Variants in PPP2CA observed in about 807,000 individuals in gnomAD.
PPP2CA encodes the protein serine/threonine-protein phosphatase 2A catalytic subunit alpha isoform.
In PPP2CA, 5 loss-of-function variants were observed where a neutral mutation model predicts 38.8. The observed-to-expected ratio is 0.13, with a 90% CI of 0.07 to 0.27. The LOEUF is 0.27. PPP2CA is among the 10% of genes least tolerant of loss of function. The probability of loss-of-function intolerance (pLI) is 1.00; values close to 1 mark genes in which losing one functional copy is unlikely to be tolerated. For synonymous variants in PPP2CA, 152 were observed against 134.0 expected (o/e 1.13, Z -0.93); for missense variants, 88 against 389.7 (o/e 0.23, Z 6.52).
intron 1 of PPP2CA, among the ~76,000 whole-genome samples, chr5:134,213,313 G>A (rs1022407598): frequency 5.3e-5 from 8 of 151,928 alleles, no homozygotes; most frequent in African/African-American, 1.7e-4. Context: ...AATCTACTAC[G>A]CCTGTGCTCT....
At chr5:134,198,757 G>T (rs1761912962) in intron 6 of PPP2CA, among the ~76,000 whole-genome samples, 1 of 152,098 alleles carries the variant, frequency 6.6e-6, no homozygotes, top group Non-Finnish European at 1.5e-5. Flanking sequence ...GTAGAGAAGG[G>T]GTTTCACCAT....
intron 6 of PPP2CA, among the ~76,000 whole-genome samples, chr5:134,198,753 AAGGGGTT>A (rs1415850154): frequency 2.0e-5 from 3 of 152,138 alleles, no homozygotes; most frequent in African/African-American, 7.2e-5. Context: ...TTTAGTAGAG[AAGGGGTT>A]TCACCATGTT....
intron 1 of PPP2CA, among the ~76,000 whole-genome samples, chr5:134,224,882 C>T (rs1762531051): frequency 6.6e-6 from 1 of 152,220 alleles, no homozygotes; most frequent in African/African-American, 2.4e-5. Flanking sequence ...ACTACTACTA[C>T]TTGCAGCCAC....
At chr5:134,209,577 C>A (rs1044421341) in intron 1 of PPP2CA, among the ~76,000 whole-genome samples, 3 of 152,064 alleles carry the variant, frequency 2.0e-5, no homozygotes, top group African/African-American at 4.8e-5. Flanking sequence ...GTCAGGAGCT[C>A]CAGACCAGCC....
intron 1 of PPP2CA, among the ~76,000 whole-genome samples, chr5:134,220,898 C>A (rs1762426650): frequency 6.6e-6 from 1 of 152,188 alleles, no homozygotes; most frequent in South Asian, 2.1e-4. Flanking sequence ...AGCCTTACAG[C>A]CAATTTTCTG....
intron 1 of PPP2CA, among the ~76,000 whole-genome samples, chr5:134,224,733 G>A (rs927777636): frequency 2.6e-5 from 4 of 152,218 alleles, no homozygotes; most frequent in East Asian, 3.9e-4. Context: ...AACCCCCAGG[G>A]GAAAACAAAA....
chr5:134,218,234 T>G (rs956298091), intron 1 of PPP2CA, among the ~76,000 whole-genome samples: 1 of 152,136 alleles, frequency 6.6e-6, no homozygotes, highest in Non-Finnish European at 1.5e-5. Context: ...CCAGGTAATA[T>G]TCTAGTAACT....
In PPP2CA at chr5:134,196,522, T is replaced by A. The variant is rs2149381853; in HGVS notation, c.*1250A>T. ...AGTTTTCTATTTGGTTTCACTAGTA[T>A]CACTCAAAGAACTTGACACAGGCTA... On this transcript the variant is annotated 3_prime_UTR_variant, in exon 7 of 7. Transcript: ENST00000481195. The A allele has an allele frequency of 6.6e-6, 1 of 152,330 alleles. No homozygotes were observed. Among genetic ancestry groups the A allele is most frequent in the South Asian group, 2.1e-4 (1 of 4,830 alleles). 9.4% of individuals were successfully genotyped at this position (152,330 alleles called of 1,614,324 possible).
Position 134,202,028 on chromosome 5 carries a change from C to T in PPP2CA, c.313-7G>A. On this transcript the variant is annotated splice_region_variant and splice_polypyrimidine_tract_variant and intron_variant, in intron 2 of 6. Transcript: ENST00000481195. Reference sequence around the variant, plus strand: ...TGCGTTCACGGTAACGAACCTAAAACAATAAAATGCAAAACATAAACAACT... The same window carrying T: ...TGCGTTCACGGTAACGAACCTAAAATAATAAAATGCAAAACATAAACAACT... 2 of 1,565,664 alleles carry T rather than the reference C, an allele frequency of 1.3e-6. No individual in the cohort carries two copies. Among genetic ancestry groups the T allele is most frequent in the Admixed American group, 2.1e-5 (1 of 48,158 alleles).
chr5:134,213,855 C>T (rs539346379), intron 1 of PPP2CA, among the ~76,000 whole-genome samples: 166 of 152,326 alleles, frequency 1.1e-3, no homozygotes, highest in African/African-American at 3.3e-3. Flanking sequence ...AAAGCCCAGG[C>T]ACAGTGGCTC....
intron 6 of PPP2CA, among the ~76,000 whole-genome samples, chr5:134,198,507 T>A (rs1019326602): frequency 6.6e-6 from 1 of 151,814 alleles, no homozygotes; most frequent in Admixed American, 6.6e-5. Flanking sequence ...TCAATGTAGA[T>A]CCATTAAAAA....
Position 134,211,042 on chromosome 5 carries a change from C to T in PPP2CA, c.103-4911G>A, listed in dbSNP as rs79667534. On this transcript the variant is annotated intron_variant, in intron 1 of 6. Coordinates refer to ENST00000481195, the MANE Select transcript of PPP2CA (RefSeq NM_002715.4). ...TTAACATCTCATACTGTCCTAGAAT[C>T]CAAAAATTTGCAGATTAACTTGAAG... 5.0e-3 allele frequency among the ~76,000 whole-genome samples: 755 copies of T among 152,132 alleles called. 5 individuals carry two copies. The highest frequency in any genetic ancestry group is 0.017 in the African/African-American group (714 of 41,522).
chr5:134,225,094 C>A (rs1762537662), intron 1 of PPP2CA, among the ~76,000 whole-genome samples: 1 of 152,164 alleles, frequency 6.6e-6, no homozygotes, highest in Non-Finnish European at 1.5e-5. Flanking sequence ...ACCAAATTCC[C>A]GATTTCTTCC....
chr5:134,196,508 T>C lies in PPP2CA; in HGVS notation c.*1264A>G, dbSNP rs186908839. The stretch of plus-strand genomic sequence containing the variant: ...CATGATCCAACAATAGTTTTCTATT[T>C]GGTTTCACTAGTATCACTCAAAGAA... On this transcript the variant is annotated 3_prime_UTR_variant, in exon 7 of 7. Coordinates refer to ENST00000481195, the MANE Select transcript of PPP2CA (RefSeq NM_002715.4). 1 of 152,362 alleles carries C rather than the reference T, an allele frequency of 6.6e-6. No homozygotes were observed. Among genetic ancestry groups the C allele is most frequent in the African/African-American group, 2.4e-5 (1 of 41,590 alleles). The allele number at this position is 152,362 out of a possible 1,614,324, so 9.4% of individuals were successfully genotyped here.
intron 2 of PPP2CA, 176 bp downstream of exon 2, chr5:134,205,746 C>T: frequency 1.7e-6 from 1 of 572,958 alleles, no homozygotes; most frequent in South Asian, 2.0e-5. Flanking sequence ...TCTGTACCAT[C>T]CCCTTACTCA....
At chr5:134,225,627 G>A (rs1329321909) in intron 1 of PPP2CA, 133 bp downstream of exon 1, 6 of 692,992 alleles carry the variant, frequency 8.7e-6, no homozygotes, top group Non-Finnish European at 1.3e-5. Context: ...CCGCCGGCCA[G>A]GATGGGCGCC....
In PPP2CA at chr5:134,206,462, C is replaced by T. The variant is rs556865538; in HGVS notation, c.103-331G>A. On this transcript the variant is annotated intron_variant, in intron 1 of 6. Coordinates refer to ENST00000481195, the MANE Select transcript of PPP2CA (RefSeq NM_002715.4). ...GACATTCAGGTATCTACTTCCTTAC[C>T]TTCAGAGTTCTAACTACAATGCAGC... Among the ~76,000 whole-genome samples, 4 of 152,228 alleles carry T rather than the reference C, an allele frequency of 2.6e-5. No homozygotes were observed. The South Asian group carries it at 8.3e-4, about 32-fold the overall frequency.
chr5:134,212,666 A>C (rs761770796), intron 1 of PPP2CA, among the ~76,000 whole-genome samples: 14 of 152,370 alleles, frequency 9.2e-5, no homozygotes, highest in Middle Eastern at 6.8e-3. Flanking sequence ...AACTCCAGAC[A>C]GGCCTAAAGG....
Position 134,194,352 on chromosome 5 carries a change from T to A in PPP2CA, c.*3420A>T, listed in dbSNP as rs1279903855. The A allele has an allele frequency of 6.6e-6, 1 of 152,200 alleles. No individual in the cohort carries two copies. The allele number at this position is 152,200 out of a possible 1,614,324, so 9.4% of individuals were successfully genotyped here. ...CAATGTGTGAGGACGAAGGCTTTAA[T>A]GCAAAATAGCTTTAGCTCACAGAAC... is the stretch of plus-strand genomic sequence containing the variant. On this transcript the variant is annotated 3_prime_UTR_variant, in exon 7 of 7. Transcript: ENST00000481195.
Sources: gnomAD v4.1 joint callset for allele counts (sites outside exome capture counted in the v4.1 genomes callset) on GRCh38, gnomAD v4.1.1 for gene constraint, MANE v1.5 for transcripts, NCBI Gene and HGNC (gene_info 2026-07-23, HGNC 2026-07-21) for gene names.